SYTL5: variants seen among roughly 807,000 people sequenced by gnomAD.
SYTL5 encodes synaptotagmin-like protein 5.
SYTL5 carries 34 observed loss-of-function variants against 55.9 expected under a neutral mutation model. The ratio of observed to expected loss-of-function variants is 0.61; its 90% CI spans 0.46 to 0.81. The LOEUF (loss-of-function observed/expected upper bound fraction) is 0.81, where lower values mean the gene tolerates loss of function less well. SYTL5 is among the 30% of genes least tolerant of loss of function. The probability of loss-of-function intolerance (pLI) is 0.00; values close to 1 mark genes in which losing one functional copy is unlikely to be tolerated. For missense variants in SYTL5, 637 were observed against 546.7 expected (o/e 1.17, Z -1.65); for synonymous variants, 221 against 188.7 (o/e 1.17, Z -1.40).
chrX:37,893,561 TTA>T, the SYTL5 span, among the ~76,000 whole-genome samples: 2 of 88,126 alleles, frequency 2.3e-5, no homozygotes, highest in South Asian at 4.9e-4. Flanking sequence ...AGATTATAGA[TTA>T]TATATACAAT....
intron 13 of SYTL5, among the ~76,000 whole-genome samples, chrX:38,113,714 T>C (rs893278135): frequency 8.9e-6 from 1 of 111,763 alleles, no homozygotes; most frequent in Non-Finnish European, 1.9e-5. Context: ...CCCGTTTTCT[T>C]GCAAACAGGG....
the SYTL5 span, among the ~76,000 whole-genome samples, chrX:37,913,660 C>T: frequency 8.9e-6 from 1 of 112,149 alleles, no homozygotes; most frequent in African/African-American, 3.2e-5. Context: ...CAACCCTTGA[C>T]CAATGTGAGA....
intron 11 of SYTL5, among the ~76,000 whole-genome samples, chrX:38,107,262 A>C (rs371711858): frequency 3.8e-4 from 42 of 111,809 alleles, no homozygotes; most frequent in African/African-American, 1.3e-3. Context: ...GACCACTGCC[A>C]GGTTCAGTGA....
chrX:38,116,714 C>A (rs1937497848), intron 13 of SYTL5, among the ~76,000 whole-genome samples: 1 of 112,412 alleles, frequency 8.9e-6, no homozygotes, highest in Non-Finnish European at 1.9e-5. Flanking sequence ...TTTTTGCACT[C>A]ATCAATTTAT....
the SYTL5 span, among the ~76,000 whole-genome samples, chrX:37,908,486 A>G: frequency 1.8e-5 from 2 of 112,042 alleles, no homozygotes; most frequent in Non-Finnish European, 3.8e-5. Context: ...AAAGGCAGCC[A>G]GGGAGAGGCA....
intron 9 of SYTL5, among the ~76,000 whole-genome samples, chrX:38,101,364 T>G (rs1326941805): frequency 9.0e-6 from 1 of 111,173 alleles, no homozygotes; most frequent in Non-Finnish European, 1.9e-5. Context: ...TAATAAAGAC[T>G]TTTTTAAAGC....
At chrX:38,102,308 A>G (rs1184393540) in intron 9 of SYTL5, 34 bp from the exon 10 acceptor site, 2 of 1,001,562 alleles carry the variant, frequency 2.0e-6, no homozygotes, top group East Asian at 6.1e-5. Context: ...AAAACAAATC[A>G]ACCAACCCAC....
At chrX:37,928,891 G>C in the SYTL5 span, among the ~76,000 whole-genome samples, 4 of 111,975 alleles carry the variant, frequency 3.6e-5, no homozygotes, top group Admixed American at 2.9e-4. Context: ...TAAGTGGTAA[G>C]CTAACATGGT....
chrX:38,030,360 T>C (rs1344258210), intron 1 of SYTL5, among the ~76,000 whole-genome samples: 1 of 112,210 alleles, frequency 8.9e-6, no homozygotes, highest in African/African-American at 3.2e-5. Context: ...TGGAGTTTCA[T>C]GAGGAAAACA....
chrX:38,053,558 G>A (rs769269398), intron 2 of SYTL5, among the ~76,000 whole-genome samples: 5 of 112,225 alleles, frequency 4.5e-5, no homozygotes, highest in East Asian at 2.8e-4. Context: ...GAAGCTTTTC[G>A]ATGTGAAATG....
the SYTL5 span, among the ~76,000 whole-genome samples, chrX:37,890,223 C>T: frequency 9.0e-6 from 1 of 111,078 alleles, no homozygotes; most frequent in Admixed American, 9.6e-5. Flanking sequence ...AGGAACTCCC[C>T]AAACCTCCAT....
At chrX:38,039,370 G>A (rs1253149175) in intron 2 of SYTL5, among the ~76,000 whole-genome samples, 1 of 112,243 alleles carries the variant, frequency 8.9e-6, no homozygotes, top group Non-Finnish European at 1.9e-5. Context: ...ATTGCAAATG[G>A]ATAAAAATAC....
intron 1 of SYTL5, among the ~76,000 whole-genome samples, chrX:38,027,770 G>A (rs1238543204): frequency 6.4e-5 from 7 of 109,487 alleles, no homozygotes; most frequent in African/African-American, 2.3e-4. Context: ...TTTTTTTAAA[G>A]CCAAGCCCAG....
At chrX:38,063,341 C>T (rs993952510) in intron 3 of SYTL5, among the ~76,000 whole-genome samples, 3 of 111,805 alleles carry the variant, frequency 2.7e-5, no homozygotes, top group Admixed American at 9.5e-5. Flanking sequence ...TGCTATTTTG[C>T]ATCAACTATC....
the SYTL5 span, among the ~76,000 whole-genome samples, chrX:37,909,172 A>C: frequency 8.9e-6 from 1 of 111,755 alleles, no homozygotes; most frequent in Non-Finnish European, 1.9e-5. Flanking sequence ...AAACTTAAAA[A>C]GTTGAAGCAT....
intron 1 of SYTL5, among the ~76,000 whole-genome samples, chrX:38,011,739 G>A (rs766037963): frequency 1.8e-5 from 2 of 111,883 alleles, no homozygotes; most frequent in South Asian, 7.4e-4. Context: ...ATTTTCTAGG[G>A]TATCTGTGAG....
chrX:38,012,442 G>T (rs2147102996), intron 1 of SYTL5, among the ~76,000 whole-genome samples: 1 of 112,120 alleles, frequency 8.9e-6, no homozygotes, highest in South Asian at 3.7e-4. Flanking sequence ...ATATAGTTGA[G>T]TTGGGGTGGG....
chrX:38,095,893 A>G (rs1300197513), intron 8 of SYTL5, among the ~76,000 whole-genome samples: 2 of 111,375 alleles, frequency 1.8e-5, no homozygotes, highest in African/African-American at 6.5e-5. Flanking sequence ...CCTGTGATAG[A>G]AGGAAACATG....
At chrX:37,904,160 G>GCA in the SYTL5 span, among the ~76,000 whole-genome samples, 20 of 106,497 alleles carry the variant, frequency 1.9e-4, no homozygotes, top group South Asian at 4.2e-3. Context: ...AGGCACACAC[G>GCA]CACACACACA....
Sources: allele counts gnomAD v4.1 joint callset (sites outside exome capture counted in the v4.1 genomes callset), GRCh38; gene constraint gnomAD v4.1.1; transcripts MANE v1.5; gene names NCBI Gene and HGNC (gene_info 2026-07-23, HGNC 2026-07-21).